Variants in B3GALT1 observed in about 807,000 individuals in gnomAD.
B3GALT1 encodes the protein beta-1,3-galactosyltransferase 1.
B3GALT1 carries 10 observed loss-of-function variants against 23.2 expected under a neutral mutation model. The observed-to-expected ratio is 0.43, with a 90% confidence interval of 0.27 to 0.73. The LOEUF is 0.73. B3GALT1 is among the 30% of genes least tolerant of loss of function. B3GALT1 has a pLI of 0.21. For missense variants in B3GALT1, 299 were observed against 405.4 expected (o/e 0.74, Z 2.25); for synonymous variants, 156 against 141.5 (o/e 1.10, Z -0.73).
chr2:167,718,986 A>G (rs1049617265), intron 3 of B3GALT1, among the ~76,000 whole-genome samples: 1 of 152,234 alleles, frequency 6.6e-6, no homozygotes, highest in Non-Finnish European at 1.5e-5. Context: ...ATTCTAGCGT[A>G]CAATTTAACA....
chr2:167,659,262 G>A (rs1340906264), intron 3 of B3GALT1, among the ~76,000 whole-genome samples: 1 of 151,852 alleles, frequency 6.6e-6, no homozygotes, highest in Non-Finnish European at 1.5e-5. Flanking sequence ...GTGGGGAGGG[G>A]TGTTGTAATT....
At chr2:167,512,372 T>G (rs1700018523) in intron 2 of B3GALT1, among the ~76,000 whole-genome samples, 1 of 151,048 alleles carries the variant, frequency 6.6e-6, no homozygotes, top group Non-Finnish European at 1.5e-5. Context: ...CATTATTCTA[T>G]AAATATAATA....
intron 2 of B3GALT1, among the ~76,000 whole-genome samples, chr2:167,516,167 G>A (rs1700097434): frequency 6.6e-6 from 1 of 151,960 alleles, no homozygotes; most frequent in Admixed American, 6.6e-5. Flanking sequence ...TAGAAATGCT[G>A]CAAATTTCAA....
intron 2 of B3GALT1, among the ~76,000 whole-genome samples, chr2:167,643,450 T>A (rs1350057433): frequency 6.6e-6 from 1 of 152,148 alleles, no homozygotes; most frequent in Admixed American, 6.5e-5. Context: ...CACCTTGTCA[T>A]GTTAAGTGGT....
intron 2 of B3GALT1, among the ~76,000 whole-genome samples, chr2:167,644,928 G>A (rs1685719761): frequency 6.6e-6 from 1 of 151,848 alleles, no homozygotes; most frequent in Admixed American, 6.6e-5. Context: ...TTCAGACTCA[G>A]AGCCATGTTG....
At chr2:167,342,934 G>A (rs542149384) in intron 1 of B3GALT1, among the ~76,000 whole-genome samples, 66 of 152,278 alleles carry the variant, frequency 4.3e-4, no homozygotes, top group Admixed American at 7.2e-4. Context: ...CGTAACAAAT[G>A]CAAGTGAGCT....
At chr2:167,752,316 C>T (rs1422598074) in intron 3 of B3GALT1, among the ~76,000 whole-genome samples, 1 of 152,002 alleles carries the variant, frequency 6.6e-6, no homozygotes, top group Non-Finnish European at 1.5e-5. Flanking sequence ...ACTCATAAAA[C>T]ATTGTTACAA....
At chr2:167,588,508 A>G (rs533063126) in intron 2 of B3GALT1, among the ~76,000 whole-genome samples, 37 of 152,256 alleles carry the variant, frequency 2.4e-4, no homozygotes, top group South Asian at 1.9e-3. Flanking sequence ...CCACAATAGC[A>G]TATAAGGGTG....
chr2:167,793,642 A>G (rs1245606938), intron 3 of B3GALT1, among the ~76,000 whole-genome samples: 1 of 152,182 alleles, frequency 6.6e-6, no homozygotes, highest in Admixed American at 6.5e-5. Context: ...CCTCAATATA[A>G]ATAACCCACA....
intron 1 of B3GALT1, among the ~76,000 whole-genome samples, chr2:167,333,492 TTAGA>T (rs1697008411): frequency 6.6e-6 from 1 of 152,164 alleles, no homozygotes; most frequent in South Asian, 2.1e-4. Flanking sequence ...AGAACCAGTG[TTAGA>T]TTGATCGTTG....
Position 167,483,274 on chromosome 2 carries a change from C to T in B3GALT1, c.-510-6903C>T, listed in dbSNP as rs533312167. ...CGCCATTGCACTCCAGCCTGGGCAA[C>T]GAGAGCAAAACTCCATCTCAAAACA... On this transcript the variant is annotated intron_variant, in intron 1 of 4. Coordinates refer to ENST00000392690, the MANE Select transcript of B3GALT1 (RefSeq NM_020981.4). Among the ~76,000 whole-genome samples the T allele has an allele frequency of 9.2e-5, 14 of 152,170 alleles. No homozygotes were observed. In the East Asian group the frequency reaches 1.7e-3, roughly 19 times the overall value.
At chr2:167,506,559 A>G (rs1483227127) in intron 2 of B3GALT1, among the ~76,000 whole-genome samples, 1 of 152,224 alleles carries the variant, frequency 6.6e-6, no homozygotes, top group South Asian at 2.1e-4. Context: ...GTAAAACCAC[A>G]TACTATGATT....
chr2:167,294,810 T>C (rs755201445), intron 1 of B3GALT1, among the ~76,000 whole-genome samples: 1 of 152,180 alleles, frequency 6.6e-6, no homozygotes, highest in Non-Finnish European at 1.5e-5. Context: ...TTTCTTGTTA[T>C]GTAGCTCCGT....
chr2:167,649,530 C>G (rs999061556), intron 3 of B3GALT1, among the ~76,000 whole-genome samples: 10 of 152,078 alleles, frequency 6.6e-5, no homozygotes, highest in Non-Finnish European at 1.5e-4. Flanking sequence ...CTAGATATTT[C>G]ATATAAATTG....
intron 2 of B3GALT1, among the ~76,000 whole-genome samples, chr2:167,508,192 C>A (rs1261569186): frequency 6.6e-6 from 1 of 152,030 alleles, no homozygotes; most frequent in Non-Finnish European, 1.5e-5. Flanking sequence ...ATAATACATT[C>A]AATCCATTTA....
Position 167,538,849 on chromosome 2 carries a change from T to C in B3GALT1, c.-410+48572T>C, listed in dbSNP as rs144588635. Among the ~76,000 whole-genome samples, 413 of 152,286 alleles carry C rather than the reference T, an allele frequency of 2.7e-3. 5 individuals are homozygous for C. The highest frequency in any genetic ancestry group is 9.1e-3 in the African/African-American group (377 of 41,574). ...CTTCTTAGTTTTCACACACAAAAAC[T>C]ATGCCTGCTTCTAGAGTGCTGATAG... On this transcript the variant is annotated intron_variant, in intron 2 of 4. Coordinates refer to ENST00000392690, the MANE Select transcript of B3GALT1 (RefSeq NM_020981.4).
chr2:167,570,375 C>T lies in B3GALT1; in HGVS notation c.-409-76534C>T, dbSNP rs568740732. ...GGTCTATTTTTTCTTGTGTGAGTTT[C>T]GGCAGATTGTGTTTTCAAGGAATGG... On this transcript the variant is annotated intron_variant, in intron 2 of 4. Transcript: ENST00000392690. Among the ~76,000 whole-genome samples, 5 of 151,762 alleles carry T rather than the reference C, an allele frequency of 3.3e-5. No homozygotes were observed. In the South Asian group the frequency reaches 8.3e-4, roughly 25 times the overall value.
At chr2:167,354,821 G>T (rs1013188718) in intron 1 of B3GALT1, among the ~76,000 whole-genome samples, 4 of 152,028 alleles carry the variant, frequency 2.6e-5, no homozygotes, top group African/African-American at 9.7e-5. Context: ...GTCTTTTATT[G>T]CCTGCACCAC....
At chr2:167,461,373 AAC>A (rs1335983560) in intron 1 of B3GALT1, among the ~76,000 whole-genome samples, 2 of 152,204 alleles carry the variant, frequency 1.3e-5, no homozygotes, top group Non-Finnish European at 2.9e-5. Context: ...AGATTTCTAA[AAC>A]AGTTATAGCA....
Sources: allele counts gnomAD v4.1 joint callset (sites outside exome capture counted in the v4.1 genomes callset), GRCh38; gene constraint gnomAD v4.1.1; transcripts MANE v1.5; gene names NCBI Gene and HGNC (gene_info 2026-07-23, HGNC 2026-07-21).